Variants in CTF1 observed in about 807,000 individuals in gnomAD.
CTF1 encodes the protein cardiotrophin-1.
In CTF1, 9 loss-of-function variants were observed where a neutral mutation model predicts 10.9. The observed-to-expected ratio is 0.83, with a 90% CI of 0.50 to 1.44. CTF1 has a LOEUF of 1.44. Ranked by LOEUF, CTF1 falls within the 40% of genes most tolerant of loss-of-function variation. The pLI, the probability that CTF1 is intolerant of heterozygous loss-of-function variation, is 0.00. For synonymous variants in CTF1, 133 were observed against 138.8 expected (o/e 0.96, Z 0.29); for missense variants, 259 against 275.3 (o/e 0.94, Z 0.42).
At chr16:30,899,556 GTGCC>G in intron 2 of CTF1, 23 bp downstream of exon 2, 1 of 1,217,728 alleles carries the variant, frequency 8.2e-7, no homozygotes, top group Non-Finnish European at 1.2e-6. Flanking sequence ...GGGGGTGGGG[GTGCC>G]GGGGGCCTGG....
chr16:30,901,723 C>T (rs11860383), intron 2 of CTF1, among the ~76,000 whole-genome samples: 1 of 148,938 alleles, frequency 6.7e-6, no homozygotes, highest in Non-Finnish European at 1.5e-5. Context: ...GAACTACAGA[C>T]ATGCGCCACC....
upstream of CTF1, chr16:30,896,492 C>G (rs1311117024): frequency 1.4e-6 from 1 of 698,802 alleles, no homozygotes; most frequent in African/African-American, 1.9e-5. Flanking sequence ...GAGCTCAGGG[C>G]CAAGGAATCC....
At chr16:30,899,561 G>A (rs759904161) in intron 2 of CTF1, 28 bp downstream of exon 2, 15 of 1,078,594 alleles carry the variant, frequency 1.4e-5, no homozygotes, top group Middle Eastern at 2.7e-4. Context: ...TGGGGGTGCC[G>A]GGGGCCTGGG....
At chr16:30,896,610 G>A, upstream of CTF1, 12 of 1,254,142 alleles carry the variant, frequency 9.6e-6, no homozygotes, top group South Asian at 3.8e-5. Context: ...CGAAAGGGGG[G>A]CGTGAAGGGA....
upstream of CTF1, chr16:30,896,538 G>C: frequency 9.6e-7 from 1 of 1,041,142 alleles, no homozygotes; most frequent in Non-Finnish European, 1.3e-6. Context: ...AATGTTTGGG[G>C]TCTGGGCTCT....
At position 30,903,440 on chromosome 16, in the gene CTF1, C is replaced by T. The variant is rs1232542171; in HGVS notation, c.*901C>T. The T allele has an allele frequency of 6.5e-6, 1 of 152,932 alleles. No homozygotes were observed. Among genetic ancestry groups the T allele is most frequent in the Non-Finnish European group, 1.5e-5 (1 of 68,378 alleles). The allele number at this position is 152,932 out of a possible 1,614,324, so 9.5% of individuals were successfully genotyped here. On this transcript the variant is annotated 3_prime_UTR_variant, in exon 3 of 3. Transcript: ENST00000279804. ...CCTCTGCCCTGTCCCTGCACACCTC[C>T]ACTGCCTCCCAGCAGATCTGTGGAG...
At chr16:30,896,446 G>T (rs1233540182), upstream of CTF1, among the ~76,000 whole-genome samples, 2 of 152,192 alleles carry the variant, frequency 1.3e-5, no homozygotes, top group Non-Finnish European at 2.9e-5. Flanking sequence ...TCCCCCTCGG[G>T]CCCCTTCCCC....
intron 2 of CTF1, 144 bp downstream of exon 2, chr16:30,899,677 C>G (rs1427266698): frequency 1.6e-6 from 1 of 615,732 alleles, no homozygotes; most frequent in Non-Finnish European, 2.9e-6. Context: ...TTGCCCCTGG[C>G]CACACAGCAA....
intron 2 of CTF1, among the ~76,000 whole-genome samples, chr16:30,901,619 C>G (rs1452790159): frequency 6.6e-6 from 1 of 152,058 alleles, no homozygotes; most frequent in Non-Finnish European, 1.5e-5. Context: ...CTCACCCAGG[C>G]TGGAGGGCAG....
chr16:30,902,038 G>A, intron 2 of CTF1, 40 bp from the exon 3 acceptor site: 1 of 1,422,686 alleles, frequency 7.0e-7, no homozygotes. Flanking sequence ...CCCTGCCCGT[G>A]CTCCGGGGCC....
chr16:30,896,091 G>A (rs567304762), upstream of CTF1, among the ~76,000 whole-genome samples: 1 of 152,068 alleles, frequency 6.6e-6, no homozygotes, highest in African/African-American at 2.4e-5. Context: ...TACTAGGCCT[G>A]CTAAGAAGAG....
chr16:30,897,031 G>A (rs1413226071), intron 1 of CTF1, among the ~76,000 whole-genome samples: 2 of 152,022 alleles, frequency 1.3e-5, no homozygotes, highest in Non-Finnish European at 2.9e-5. Context: ...AGTAAGGGAA[G>A]GCAGTCTTGG....
rs1052317364 is a variant in CTF1, at chr16:30,901,696, A to G, written c.145-382A>G. Among the ~76,000 whole-genome samples the G allele has an allele frequency of 1.4e-4, 21 of 150,228 alleles. No individual in the cohort carries two copies. In the East Asian group the frequency reaches 1.8e-3, roughly 13 times the overall value. On this transcript the variant is annotated intron_variant, in intron 2 of 2. Coordinates refer to ENST00000279804, the MANE Select transcript of CTF1 (RefSeq NM_001330.5). Reference sequence around the variant, plus strand: ...CAAGCAATCCTCCCACCTCAGCCTCAGCCTCCGGAACAGCTGGAACTACAG... The same window carrying G: ...CAAGCAATCCTCCCACCTCAGCCTCGGCCTCCGGAACAGCTGGAACTACAG...
intron 1 of CTF1, among the ~76,000 whole-genome samples, chr16:30,898,140 C>A (rs888118732): frequency 6.6e-6 from 1 of 150,730 alleles, no homozygotes; most frequent in African/African-American, 2.4e-5. Flanking sequence ...GGATTACAGG[C>A]GTGAGCCACT....
Position 30,902,835 on chromosome 16 carries a change from G to A in CTF1, c.*296G>A. 1 of 265,598 alleles carries A rather than the reference G, an allele frequency of 3.8e-6. No homozygotes were observed. Among genetic ancestry groups the A allele is most frequent in the Non-Finnish European group, 7.1e-6 (1 of 141,116 alleles). The allele number at this position is 265,598 out of a possible 1,614,324, so 16.5% of individuals were successfully genotyped here. A position where few individuals can be genotyped will look rare whatever the true frequency, so the allele number is the denominator to read the frequency against. Reference sequence around the variant, plus strand: ...CTACAGGCACGCGCCACCACAGCCGGCTAATTTTTTATTTAATTTTTTGTA... The same window carrying A: ...CTACAGGCACGCGCCACCACAGCCGACTAATTTTTTATTTAATTTTTTGTA... On this transcript the variant is annotated 3_prime_UTR_variant, in exon 3 of 3. Coordinates refer to ENST00000279804, the MANE Select transcript of CTF1 (RefSeq NM_001330.5).
chr16:30,896,524 A>G, upstream of CTF1: 2 of 910,416 alleles, frequency 2.2e-6, no homozygotes, highest in Non-Finnish European at 2.9e-6. Flanking sequence ...GGGGGGTAGG[A>G]TGAAATGTTT....
chr16:30,902,452 G>A lies in CTF1; in HGVS notation c.519G>A (p.Leu173=). 6.8e-7 allele frequency: 1 copy of A among 1,469,176 alleles called. No individual in the cohort carries two copies. Among genetic ancestry groups the A allele is most frequent in the South Asian group, 1.3e-5 (1 of 78,462 alleles). 91.0% of individuals were successfully genotyped at this position (1,469,176 alleles called of 1,614,324 possible). A position where few individuals can be genotyped will look rare whatever the true frequency, so the allele number is the denominator to read the frequency against. The change falls in exon 3 of 3, where the codon CTG becomes CTA. Residue 173 remains leucine, a synonymous_variant. Coordinates refer to ENST00000279804, the MANE Select transcript of CTF1 (RefSeq NM_001330.5). The part of the protein sequence containing the change: ...SATGVFPAKV[L]GLRVCGLYRE... ...CCGGGGTCTTCCCCGCCAAGGTGCT[G>A]GGGCTCCGCGTTTGCGGCCTCTACC...
Position 30,902,693 on chromosome 16 carries a change from G to GGGAC in CTF1, c.*157_*160dup. ...TTGCTTTTTGTGGGGGAGAGGGGAG[G>GGGAC]GGACGGGCAGGGTCTCTGTCGCCCA... On this transcript the variant is annotated 3_prime_UTR_variant, in exon 3 of 3. Coordinates refer to ENST00000279804, the MANE Select transcript of CTF1 (RefSeq NM_001330.5). 1 of 1,167,084 alleles carries GGGAC rather than the reference G, an allele frequency of 8.6e-7. No individual in the cohort carries two copies. Among genetic ancestry groups the GGGAC allele is most frequent in the Non-Finnish European group, 1.1e-6 (1 of 902,574 alleles). 72.3% of individuals were successfully genotyped at this position (1,167,084 alleles called of 1,614,324 possible).
chr16:30,902,090 G>C lies in CTF1; in HGVS notation c.157G>C (p.Gly53Arg), dbSNP rs1255335816. The change falls in exon 3 of 3, where the codon GGA becomes CGA. Residue 53 changes from glycine to arginine, a missense_variant. Coordinates refer to ENST00000279804, the MANE Select transcript of CTF1 (RefSeq NM_001330.5). ...QLLQEYVQLQ[G>R]DPFGLPSFSP... ...CGTGTCTCCGCAGGTGCAGCTCCAG[G>C]GAGACCCCTTCGGGCTGCCCAGCTT... is the stretch of plus-strand genomic sequence containing the variant. 1 of 1,439,780 alleles carries C rather than the reference G, an allele frequency of 6.9e-7. No individual in the cohort carries two copies. The highest frequency in any genetic ancestry group is 1.5e-5 in the African/African-American group (1 of 68,016). 89.2% of individuals were successfully genotyped at this position (1,439,780 alleles called of 1,614,324 possible).
Sources: allele counts gnomAD v4.1 joint callset (sites outside exome capture counted in the v4.1 genomes callset), GRCh38; gene constraint gnomAD v4.1.1; transcripts MANE v1.5; gene names NCBI Gene and HGNC (gene_info 2026-07-23, HGNC 2026-07-21).